TSPAN11: variants seen among roughly 807,000 people sequenced by gnomAD.
TSPAN11 encodes tetraspanin-11.
In TSPAN11, 29 loss-of-function variants were observed where a neutral mutation model predicts 32.9. The ratio of observed to expected loss-of-function variants is 0.88; its 90% CI spans 0.66 to 1.20. The LOEUF is 1.20. Ranked by LOEUF, TSPAN11 falls within the 50% of genes most tolerant of loss-of-function variation. TSPAN11 has a pLI of 0.00. For missense variants in TSPAN11, 283 were observed against 329.1 expected (o/e 0.86, Z 1.08); for synonymous variants, 140 against 141.3 (o/e 0.99, Z 0.07).
the TSPAN11 span, among the ~76,000 whole-genome samples, chr12:31,003,961 T>TA: frequency 1.3e-5 from 2 of 152,254 alleles, no homozygotes; most frequent in Admixed American, 1.3e-4. Flanking sequence ...ATATGTTACT[T>TA]AAAGATGAAG....
chr12:31,011,686 CA>C, the TSPAN11 span, among the ~76,000 whole-genome samples: 29 of 145,962 alleles, frequency 2.0e-4, no homozygotes, highest in Non-Finnish European at 2.3e-4. Context: ...CCTGTGCCAC[CA>C]AAAAAAAAAG....
chr12:30,976,182 G>A (rs1938966770), intron 3 of TSPAN11, among the ~76,000 whole-genome samples: 1 of 152,106 alleles, frequency 6.6e-6, no homozygotes, highest in Non-Finnish European at 1.5e-5. Flanking sequence ...CCTGCCTCTG[G>A]CTGACAGGGA....
At chr12:31,002,890 T>G in the TSPAN11 span, among the ~76,000 whole-genome samples, 1 of 152,216 alleles carries the variant, frequency 6.6e-6, no homozygotes, top group Admixed American at 6.5e-5. The surrounding 1 kb of genome is among the most constrained non-coding windows in gnomAD (Gnocchi z 4.8). Context: ...CAGGCCCATG[T>G]TGGAAGGAGA....
intron 1 of TSPAN11, among the ~76,000 whole-genome samples, chr12:30,945,064 C>T (rs929819204): frequency 9.2e-5 from 14 of 152,152 alleles, no homozygotes; most frequent in African/African-American, 3.4e-4. Context: ...CCAGCCATTC[C>T]CCCAGGCCTT....
chr12:30,996,674 A>ACGGCTACAT (rs1029871322), downstream of TSPAN11: 24 of 152,268 alleles, frequency 1.6e-4, no homozygotes, highest in African/African-American at 5.5e-4. Context: ...ACCATGACCC[A>ACGGCTACAT]CGGCTACATC....
At chr12:30,934,120 C>T (rs1453105789) in intron 1 of TSPAN11, among the ~76,000 whole-genome samples, 1 of 152,210 alleles carries the variant, frequency 6.6e-6, no homozygotes, top group African/African-American at 2.4e-5. Context: ...AACTCTCTAG[C>T]CTTCTCAAAT....
chr12:30,950,247 T>G (rs1761313087), intron 1 of TSPAN11, among the ~76,000 whole-genome samples: 1 of 152,082 alleles, frequency 6.6e-6, no homozygotes, highest in Non-Finnish European at 1.5e-5. Flanking sequence ...CTCCCTCCAC[T>G]CATACTCTGT....
chr12:30,943,138 G>C (rs999438226), intron 1 of TSPAN11, among the ~76,000 whole-genome samples: 3 of 152,188 alleles, frequency 2.0e-5, no homozygotes, highest in Admixed American at 1.3e-4. Context: ...CTTAAGGGTC[G>C]GAGAACACTG....
rs879857810 is a variant in TSPAN11, at chr12:30,941,807, A to G, written c.-11-12174A>G. Among the ~76,000 whole-genome samples the G allele has an allele frequency of 2.0e-5, 3 of 152,162 alleles. No homozygotes were observed. In the East Asian group the frequency reaches 5.8e-4, roughly 29 times the overall value. On this transcript the variant is annotated intron_variant, in intron 1 of 7. Transcript: ENST00000546076. ...GTCCCGCCTGGGGGCACCTCTTCCA[A>G]CCCCACCAAGGGTTCTCCTTTTGCT...
chr12:30,966,691 C>G (rs1419736833), intron 3 of TSPAN11, among the ~76,000 whole-genome samples: 1 of 152,224 alleles, frequency 6.6e-6, no homozygotes, highest in Admixed American at 6.5e-5. Flanking sequence ...AGGATGTGTG[C>G]AGGGCACACC....
chr12:31,013,678 C>T, the TSPAN11 span, among the ~76,000 whole-genome samples: 8 of 152,096 alleles, frequency 5.3e-5, no homozygotes, highest in African/African-American at 1.9e-4. Flanking sequence ...TGTAGTGAAA[C>T]GGCAGGTGGT....
chr12:30,980,458 G>A (rs1489516309), intron 5 of TSPAN11, among the ~76,000 whole-genome samples: 1 of 152,134 alleles, frequency 6.6e-6, no homozygotes, highest in Non-Finnish European at 1.5e-5. Flanking sequence ...CTCCTGGACA[G>A]CACTGCTCTA....
chr12:30,977,497 G>A (rs557019687), intron 3 of TSPAN11, among the ~76,000 whole-genome samples: 1 of 152,328 alleles, frequency 6.6e-6, no homozygotes, highest in African/African-American at 2.4e-5. Flanking sequence ...GTCTGGCTGA[G>A]CTTCCCCACA....
intron 1 of TSPAN11, among the ~76,000 whole-genome samples, chr12:30,936,107 C>T (rs1422345592): frequency 6.6e-6 from 1 of 152,244 alleles, no homozygotes; most frequent in Non-Finnish European, 1.5e-5. Flanking sequence ...ATCAGAAAAT[C>T]CAGTGGTTCC....
At chr12:30,991,812 G>T (rs751713133) in intron 7 of TSPAN11, 44 bp from the exon 8 acceptor site, 1 of 1,611,494 alleles carries the variant, frequency 6.2e-7, no homozygotes, top group East Asian at 2.2e-5. Flanking sequence ...CAGCTTCCAG[G>T]AGTTCTGATT....
rs1209904006 is a variant in TSPAN11 at position 30,926,805 on chromosome 12, A to G, written c.-12+9A>G. ...CCGGAGCCCCTGGCAGGGTAAGTGC[A>G]GAAGCGCGCCCGAGGAGTGGGGGCG... On this transcript the variant is annotated intron_variant, in intron 1 of 7. Transcript: ENST00000546076. 3 of 498,430 alleles carry G rather than the reference A, an allele frequency of 6.0e-6. No homozygotes were observed. The highest frequency in any genetic ancestry group is 9.2e-6 in the Non-Finnish European group (3 of 324,706). 30.9% of individuals were successfully genotyped at this position (498,430 alleles called of 1,614,324 possible).
chr12:30,953,376 G>A (rs1000265685), intron 1 of TSPAN11, among the ~76,000 whole-genome samples: 9 of 152,306 alleles, frequency 5.9e-5, no homozygotes, highest in Admixed American at 5.9e-4. Flanking sequence ...AGATCAGGGT[G>A]TGAACCCAGA....
chr12:30,947,005 G>T (rs1477257506), intron 1 of TSPAN11, among the ~76,000 whole-genome samples: 1 of 152,136 alleles, frequency 6.6e-6, no homozygotes, highest in African/African-American at 2.4e-5. Flanking sequence ...ACTTAGGAAG[G>T]CCCGTCTGCT....
At chr12:31,014,143 T>G in the TSPAN11 span, among the ~76,000 whole-genome samples, 130 of 152,352 alleles carry the variant, frequency 8.5e-4, no homozygotes, top group African/African-American at 2.9e-3. Flanking sequence ...GAGTCCCAGT[T>G]CTTTTCAGGC....
Sources: gnomAD v4.1 joint callset for allele counts (sites outside exome capture counted in the v4.1 genomes callset) on GRCh38, gnomAD v4.1.1 for gene constraint, Gnocchi (gnomAD v3.1) non-coding constraint, MANE v1.5 for transcripts, NCBI Gene and HGNC (gene_info 2026-07-23, HGNC 2026-07-21) for gene names.